Variants in ARNT observed in about 807,000 individuals in gnomAD.
ARNT encodes class E basic helix-loop-helix protein 2.
ARNT carries 30 observed loss-of-function variants against 105.0 expected under a neutral mutation model. That is an observed-to-expected ratio of 0.29 (90% CI 0.21 to 0.39). ARNT has a LOEUF of 0.39. ARNT is among the 10% of genes least tolerant of loss of function. ARNT has a pLI of 1.00. For synonymous variants in ARNT, 304 were observed against 344.0 expected, an observed-to-expected ratio of 0.88 and a Z score of 1.29; for missense variants, 748 against 978.7, an observed-to-expected ratio of 0.76 and a Z score of 3.15.
intron 7 of ARNT, among the ~76,000 whole-genome samples, chr1:150,835,164 AAAAATTT>A (rs1660086941): frequency 6.6e-6 from 1 of 151,870 alleles, no homozygotes; most frequent in Admixed American, 6.6e-5. Context: ...AATAAAAAGA[AAAAATTT>A]TAAAAAGAAA....
intron 14 of ARNT, among the ~76,000 whole-genome samples, chr1:150,821,660 T>G (rs1657093223): frequency 6.6e-6 from 1 of 151,976 alleles, no homozygotes; most frequent in Non-Finnish European, 1.5e-5. Flanking sequence ...TTATTTTTAT[T>G]TTTTTTGAGA....
chr1:150,845,194 AG>A (rs587682293), intron 4 of ARNT, among the ~76,000 whole-genome samples: 38 of 152,326 alleles, frequency 2.5e-4, no homozygotes, highest in Admixed American at 2.2e-3. Context: ...CTGAGGTAGG[AG>A]GATCACTGAA....
rs587727835 is a variant in ARNT, at chr1:150,856,203, G to A, written c.137+2146C>T. ...TGCCTGTAATCCCGCACTTCGGGAGGCCAAGGCGGGTGGATCACGAGGTCA... is the reference window on the plus strand; with the variant it reads ...TGCCTGTAATCCCGCACTTCGGGAGACCAAGGCGGGTGGATCACGAGGTCA... On this transcript the variant is annotated intron_variant, in intron 2 of 21. Coordinates refer to ENST00000358595, the MANE Select transcript of ARNT (RefSeq NM_001668.4). Among the ~76,000 whole-genome samples the A allele has an allele frequency of 3.3e-4, 50 of 152,266 alleles. 1 individual carries two copies. In the South Asian group the frequency reaches 0.01, roughly 31 times the overall value.
chr1:150,855,517 G>A (rs1026576179), intron 2 of ARNT, among the ~76,000 whole-genome samples: 14 of 151,926 alleles, frequency 9.2e-5, no homozygotes, highest in South Asian at 2.1e-4. Context: ...AGCCAAGATC[G>A]CATCACCGCA....
intron 1 of ARNT, among the ~76,000 whole-genome samples, chr1:150,875,873 G>C (rs1220907705): frequency 6.6e-6 from 1 of 152,158 alleles, no homozygotes; most frequent in Admixed American, 6.5e-5. Context: ...TGGAACTAAA[G>C]ACCTGTCCGG....
chr1:150,864,208 A>G (rs1009105953), intron 1 of ARNT, among the ~76,000 whole-genome samples: 7 of 152,178 alleles, frequency 4.6e-5, no homozygotes, highest in Admixed American at 1.3e-4. Flanking sequence ...TATGACAACT[A>G]TGATGTCACT....
intron 14 of ARNT, among the ~76,000 whole-genome samples, chr1:150,820,308 T>C (rs1656784817): frequency 6.6e-6 from 1 of 152,202 alleles, no homozygotes; most frequent in Admixed American, 6.5e-5. Flanking sequence ...AAAGAGTTGA[T>C]ACATAGAATT....
rs1003391864 is a variant in ARNT, at chr1:150,852,626, G to A, written c.182+136C>T. On this transcript the variant is annotated intron_variant, in intron 3 of 21. Coordinates refer to ENST00000358595, the MANE Select transcript of ARNT (RefSeq NM_001668.4). Reference sequence around the variant, plus strand: ...AACGGAATGCTTAAAAATTTTCTGAGATATATGAATATTTATAGTTTTAGG... The same window carrying A: ...AACGGAATGCTTAAAAATTTTCTGAAATATATGAATATTTATAGTTTTAGG... The A allele has an allele frequency of 2.2e-5, 16 of 737,484 alleles. No homozygotes were observed. The Admixed American group carries it at 3.4e-4, about 16-fold the overall frequency. The allele number at this position is 737,484 out of a possible 1,614,324, so 45.7% of individuals were successfully genotyped here. A position where few individuals can be genotyped will look rare whatever the true frequency, so the allele number is the denominator to read the frequency against.
chr1:150,816,525 ATT>A, intron 18 of ARNT, 119 bp from the exon 19 acceptor site: 1 of 1,251,044 alleles, frequency 8.0e-7, no homozygotes, highest in Non-Finnish European at 1.1e-6. Flanking sequence ...GTTAAGGAAA[ATT>A]TGATAACAAT....
chr1:150,858,779 A>G, intron 1 of ARNT, among the ~76,000 whole-genome samples: 1 of 148,060 alleles, frequency 6.8e-6, no homozygotes, highest in East Asian at 2.0e-4. Context: ...GCACTACCAC[A>G]CCCAGTTAAT....
intron 14 of ARNT, among the ~76,000 whole-genome samples, chr1:150,819,703 C>T (rs974648524): frequency 2.0e-5 from 3 of 151,994 alleles, no homozygotes; most frequent in East Asian, 1.9e-4. Context: ...TCCATTTATA[C>T]GAAAAGTCTA....
chr1:150,843,009 C>T (rs587638473), intron 4 of ARNT, among the ~76,000 whole-genome samples: 23 of 152,314 alleles, frequency 1.5e-4, no homozygotes, highest in African/African-American at 5.5e-4. Context: ...CTCCCTCTCA[C>T]ACAAACAACA....
chr1:150,823,672 TC>T (rs1332255275), intron 13 of ARNT, among the ~76,000 whole-genome samples: 1 of 151,576 alleles, frequency 6.6e-6, no homozygotes, highest in African/African-American at 2.4e-5. Context: ...TGCCTCAGCC[TC>T]CCGAGTGGCT....
chr1:150,830,368 C>T (rs587609944), intron 10 of ARNT: 2 of 166,928 alleles, frequency 1.2e-5, no homozygotes, highest in East Asian at 3.3e-4. Context: ...AACCAAAAAG[C>T]AAAACAAAAC....
At chr1:150,820,686 A>T (rs79064270) in intron 14 of ARNT, among the ~76,000 whole-genome samples, 4,346 of 150,470 alleles carry the variant, frequency 0.029, 91 homozygotes, top group Non-Finnish European at 0.044. Context: ...AACAAAACAA[A>T]AAAACCTTAC....
At chr1:150,857,036 T>TA (rs1664739268) in intron 2 of ARNT, among the ~76,000 whole-genome samples, 1 of 152,214 alleles carries the variant, frequency 6.6e-6, no homozygotes, top group African/African-American at 2.4e-5. Context: ...TTCAAAAATC[T>TA]GAAAAATCAA....
intron 3 of ARNT, among the ~76,000 whole-genome samples, chr1:150,851,293 T>C (rs1306861420): frequency 6.7e-5 from 10 of 148,836 alleles, no homozygotes; most frequent in African/African-American, 2.0e-4. Context: ...GGGGCGCCTC[T>C]GCCCGGCCAC....
rs1667421570 is a variant in ARNT at position 150,871,429 on chromosome 1, T to C, written c.25+5114A>G. Among the ~76,000 whole-genome samples the C allele has an allele frequency of 2.0e-5, 3 of 149,830 alleles. No individual in the cohort carries two copies. In the South Asian group the frequency reaches 6.4e-4, roughly 32 times the overall value. The stretch of plus-strand genomic sequence containing the variant: ...GATTCTCCCGCCTCAGCCTCCCGAG[T>C]AGCTGGGATTACAGGCACCTGCCAC... On this transcript the variant is annotated intron_variant, in intron 1 of 21. Coordinates refer to ENST00000358595, the MANE Select transcript of ARNT (RefSeq NM_001668.4).
At chr1:150,872,221 G>A (rs1667572592) in intron 1 of ARNT, among the ~76,000 whole-genome samples, 1 of 152,118 alleles carries the variant, frequency 6.6e-6, no homozygotes, top group East Asian at 1.9e-4. Flanking sequence ...GCCTCCCAAA[G>A]GGATTAGAGG....
Sources: gnomAD v4.1 joint callset for allele counts (sites outside exome capture counted in the v4.1 genomes callset) on GRCh38, gnomAD v4.1.1 for gene constraint, MANE v1.5 for transcripts, NCBI Gene and HGNC (gene_info 2026-07-23, HGNC 2026-07-21) for gene names.